NLRP5: variants seen among roughly 807,000 people sequenced by gnomAD.
The protein encoded by NLRP5 is NLR family pyrin domain containing 5.
A neutral mutation model predicts 113.1 loss-of-function variants in NLRP5; 93 were observed. The ratio of observed to expected loss-of-function variants is 0.82; its 90% CI spans 0.70 to 0.98. The LOEUF (loss-of-function observed/expected upper bound fraction) is 0.98. Among genes scored for constraint, NLRP5 ranks in the 50% least tolerant of loss-of-function variants. NLRP5 has a pLI of 0.00. For missense variants in NLRP5, 1,808 were observed against 1,514.3 expected (o/e 1.19, Z -3.22); for synonymous variants, 751 against 600.7 (o/e 1.25, Z -3.66).
upstream of NLRP5, among the ~76,000 whole-genome samples, chr19:55,998,272 A>G (rs1180616429): frequency 6.6e-6 from 1 of 152,108 alleles, no homozygotes; most frequent in African/African-American, 2.4e-5. Context: ...CAGGAAGATC[A>G]CTTGAGCCCA....
rs537846520 is a variant in NLRP5 at position 56,053,713 on chromosome 19, G to A, written c.3204G>A (p.Lys1068=). 8 of 1,613,916 alleles carry A rather than the reference G, an allele frequency of 5.0e-6. No homozygotes were observed. The Admixed American group carries it at 5.0e-5, about 10-fold the overall frequency. Reference sequence around the variant, plus strand: ...TGATCTCGAGGAGCAGACACCTGAAGAGCCTGGATCTCACGGACAATGCCC... The same window carrying A: ...TGATCTCGAGGAGCAGACACCTGAAAAGCCTGGATCTCACGGACAATGCCC... The change falls in exon 13 of 15, where the codon AAG becomes AAA. Residue 1068 remains lysine (K), a synonymous_variant. Transcript: ENST00000390649.
At chr19:56,037,911 GAC>G in intron 9 of NLRP5, 112 bp from the exon 10 acceptor site, 1 of 1,046,024 alleles carries the variant, frequency 9.6e-7, no homozygotes, top group Non-Finnish European at 1.4e-6. Flanking sequence ...GGCAGGAGCA[GAC>G]AGAGTTCGAG....
chr19:56,030,573 C>G (rs1296508694), intron 7 of NLRP5, among the ~76,000 whole-genome samples: 2 of 152,142 alleles, frequency 1.3e-5, no homozygotes. Flanking sequence ...ACAGCCTGGG[C>G]AATTTTCCTG....
At chr19:56,032,555 A>G in intron 7 of NLRP5, 56 bp from the exon 8 acceptor site, 1 of 1,524,236 alleles carries the variant, frequency 6.6e-7, no homozygotes, top group Non-Finnish European at 9.0e-7. Context: ...TGTTGCCACG[A>G]CTGCTCATGT....
chr19:56,005,137 A>G (rs1981815584), intron 2 of NLRP5, among the ~76,000 whole-genome samples: 1 of 145,148 alleles, frequency 6.9e-6, no homozygotes, highest in African/African-American at 2.5e-5. Context: ...ATATATACAC[A>G]CACACATATA....
chr19:56,021,344 T>C (rs1024987163), intron 6 of NLRP5, among the ~76,000 whole-genome samples: 15 of 152,224 alleles, frequency 9.9e-5, no homozygotes, highest in Non-Finnish European at 1.6e-4. Context: ...ATTAGGATTT[T>C]ATATACCATA....
chr19:56,037,984 G>C, intron 9 of NLRP5, 41 bp from the exon 10 acceptor site: 1 of 1,609,124 alleles, frequency 6.2e-7, no homozygotes, highest in East Asian at 2.2e-5. Flanking sequence ...GGGCTGCTTT[G>C]GACAAGAGCT....
chr19:56,033,351 G>A (rs1255173006), intron 8 of NLRP5, among the ~76,000 whole-genome samples, 191 bp from the exon 9 acceptor site: 21 of 152,180 alleles, frequency 1.4e-4, no homozygotes, highest in Admixed American at 1.4e-3. Context: ...CCAAGGCAGG[G>A]ATTGTTAATA....
intron 7 of NLRP5, among the ~76,000 whole-genome samples, chr19:56,032,038 T>A (rs1983136047): frequency 6.6e-6 from 1 of 152,116 alleles, no homozygotes; most frequent in African/African-American, 2.4e-5. Context: ...GGGGCTGGAA[T>A]TGAAGCAAAG....
chr19:56,058,389 C>T lies in NLRP5; in HGVS notation c.3449C>T (p.Thr1150Met), dbSNP rs754838400. The change falls in exon 14 of 15, where the codon ACG (threonine) becomes ATG (methionine). Residue 1150 changes from threonine to methionine, a missense_variant. Coordinates refer to ENST00000390649, the MANE Select transcript of NLRP5 (RefSeq NM_153447.4). ...CTGTGTTCGGCCTTTGCCTGTCCCA[C>T]GTCTAACTTACAGATAATTGGGTAA... The T allele has an allele frequency of 1.2e-5, 20 of 1,613,434 alleles. No individual in the cohort carries two copies. The highest frequency in any genetic ancestry group is 1.6e-4 in the Middle Eastern group (1 of 6,084).
intron 11 of NLRP5, among the ~76,000 whole-genome samples, chr19:56,049,699 T>C (rs1476974875): frequency 6.6e-6 from 1 of 151,344 alleles, no homozygotes; most frequent in Non-Finnish European, 1.5e-5. Flanking sequence ...AGTTTCCTGA[T>C]TTTTTTTTAT....
At chr19:55,989,883 G>T in the NLRP5 span, among the ~76,000 whole-genome samples, 846 of 152,078 alleles carry the variant, frequency 5.6e-3, 7 homozygotes, top group African/African-American at 0.019. Context: ...CCAAAAAGAT[G>T]GCACCCATTT....
At chr19:56,049,902 G>T (rs139462158) in intron 11 of NLRP5, among the ~76,000 whole-genome samples, 2,498 of 152,080 alleles carry the variant, frequency 0.016, 51 homozygotes, top group African/African-American at 0.057. Flanking sequence ...GATTTTGGGG[G>T]GATGTTAAAG....
Position 56,061,657 on chromosome 19 carries a change from C to A in NLRP5, c.*129C>A. The A allele has an allele frequency of 9.5e-7, 1 of 1,054,162 alleles. No individual in the cohort carries two copies. The highest frequency in any genetic ancestry group is 1.4e-6 in the Non-Finnish European group (1 of 703,454). The allele number at this position is 1,054,162 out of a possible 1,614,324, so 65.3% of individuals were successfully genotyped here. A position where few individuals can be genotyped will look rare whatever the true frequency, so the allele number is the denominator to read the frequency against. On this transcript the variant is annotated 3_prime_UTR_variant, in exon 15 of 15. Transcript: ENST00000390649. ...GAATGATTTCTGATTCTCACAAAGC[C>A]CTCAATGGTAGTGATTCTTCTGTGT...
intron 3 of NLRP5, among the ~76,000 whole-genome samples, chr19:56,011,400 A>T (rs1239535504): frequency 6.6e-6 from 1 of 152,064 alleles, no homozygotes; most frequent in Non-Finnish European, 1.5e-5. Flanking sequence ...GGTGATTAAG[A>T]TGTTCTAAAA....
intron 9 of NLRP5, among the ~76,000 whole-genome samples, chr19:56,037,383 A>G (rs1010052617): frequency 2.6e-5 from 4 of 152,064 alleles, no homozygotes; most frequent in Non-Finnish European, 5.9e-5. Flanking sequence ...GGAAACAAGC[A>G]CTAACATAAG....
At chr19:56,020,232 T>C (rs1230760720) in intron 5 of NLRP5, 143 bp from the exon 6 acceptor site, 5 of 890,020 alleles carry the variant, frequency 5.6e-6, no homozygotes, top group Non-Finnish European at 8.8e-6. Context: ...ACCAGTGCAC[T>C]CTGTCTTCTA....
chr19:56,036,618 G>A (rs568827782), intron 9 of NLRP5, among the ~76,000 whole-genome samples: 9 of 152,268 alleles, frequency 5.9e-5, no homozygotes, highest in Admixed American at 1.3e-4. Context: ...GCACACACAC[G>A]GCAGGAGCAT....
chr19:56,042,644 G>C (rs541719562), intron 11 of NLRP5, among the ~76,000 whole-genome samples: 2 of 152,206 alleles, frequency 1.3e-5, no homozygotes, highest in East Asian at 3.9e-4. Flanking sequence ...TGCCCAGCCA[G>C]GTTACATGAG....
Sources: allele counts gnomAD v4.1 joint callset (sites outside exome capture counted in the v4.1 genomes callset), GRCh38; gene constraint gnomAD v4.1.1; transcripts MANE v1.5; gene names NCBI Gene and HGNC (gene_info 2026-07-23, HGNC 2026-07-21).